SPATA17: variants seen among roughly 807,000 people sequenced by gnomAD.
SPATA17 encodes the protein spermatogenesis associated 17.
SPATA17 carries 53 observed loss-of-function variants against 62.2 expected under a neutral mutation model. That is an observed-to-expected ratio of 0.85 (90% CI 0.68 to 1.07). SPATA17 has a LOEUF of 1.07. SPATA17 is among the 50% of genes least tolerant of loss of function. The pLI, the probability that SPATA17 is intolerant of heterozygous loss-of-function variation, is 0.00. For missense variants in SPATA17, 466 were observed against 425.5 expected (o/e 1.10, Z -0.84); for synonymous variants, 146 against 146.8 (o/e 0.99, Z 0.04).
intron 6 of SPATA17, among the ~76,000 whole-genome samples, chr1:217,755,626 A>G (rs1673024133): frequency 6.6e-6 from 1 of 152,012 alleles, no homozygotes; most frequent in South Asian, 2.1e-4. Context: ...AATATTTTCC[A>G]TTAACTTTTA....
chr1:217,793,215 GTTTTTGTTTT>G (rs1356292820), intron 8 of SPATA17, among the ~76,000 whole-genome samples: 4 of 114,596 alleles, frequency 3.5e-5, no homozygotes, highest in African/African-American at 9.7e-5. Context: ...TAGGGCAGTG[GTTTTTGTTTT>G]TTTTTTTTTT....
intron 7 of SPATA17, among the ~76,000 whole-genome samples, chr1:217,778,502 G>A (rs1351653574): frequency 1.3e-5 from 2 of 152,044 alleles, no homozygotes; most frequent in African/African-American, 4.8e-5. Flanking sequence ...GCCTGGGTGA[G>A]AGAGCAAGAC....
intron 1 of SPATA17, among the ~76,000 whole-genome samples, chr1:217,646,278 A>G (rs1670180142): frequency 6.6e-6 from 1 of 152,170 alleles, no homozygotes; most frequent in Admixed American, 6.5e-5. Context: ...TTACTTATGT[A>G]AATAAAATTA....
chr1:217,745,919 A>G (rs12129402), intron 6 of SPATA17, among the ~76,000 whole-genome samples: 69,329 of 151,500 alleles, frequency 0.46, 17,324 homozygotes, highest in Non-Finnish European at 0.58. Flanking sequence ...TCCTTCCTGA[A>G]CCTAAGGAAG....
intron 6 of SPATA17, among the ~76,000 whole-genome samples, chr1:217,757,808 G>A (rs1404158287): frequency 1.3e-5 from 2 of 152,172 alleles, no homozygotes; most frequent in East Asian, 1.9e-4. Flanking sequence ...TACGTTGTAG[G>A]CTTAAACAAG....
chr1:217,646,275 T>C (rs930324409), intron 1 of SPATA17, among the ~76,000 whole-genome samples: 2 of 152,202 alleles, frequency 1.3e-5, no homozygotes, highest in Non-Finnish European at 2.9e-5. Context: ...TTTTTACTTA[T>C]GTAAATAAAA....
chr1:217,664,648 T>C (rs1670652970), intron 3 of SPATA17, among the ~76,000 whole-genome samples: 1 of 151,902 alleles, frequency 6.6e-6, no homozygotes, highest in African/African-American at 2.4e-5. Flanking sequence ...CAAGGAGAGA[T>C]AGAGGATAGT....
At chr1:217,660,055 C>G (rs1291581209) in intron 3 of SPATA17, among the ~76,000 whole-genome samples, 2 of 152,146 alleles carry the variant, frequency 1.3e-5, no homozygotes, top group African/African-American at 4.8e-5. Flanking sequence ...CTTGCCATTG[C>G]CCAAATATGC....
chr1:217,640,004 A>G (rs1385612002), intron 1 of SPATA17, among the ~76,000 whole-genome samples: 1 of 151,668 alleles, frequency 6.6e-6, no homozygotes, highest in Non-Finnish European at 1.5e-5. Context: ...GACTTTAGCA[A>G]TCTGAGTTGT....
intron 9 of SPATA17, among the ~76,000 whole-genome samples, chr1:217,853,323 C>G (rs1223568610): frequency 1.3e-5 from 2 of 152,046 alleles, no homozygotes; most frequent in East Asian, 3.9e-4. Context: ...TTAAACTAAA[C>G]ATCAGGTTAT....
rs61825855 is a variant in SPATA17 at position 217,818,588 on chromosome 1, A to G, written c.1005+16738A>G. On this transcript the variant is annotated intron_variant, in intron 9 of 10. Transcript: ENST00000366933. The stretch of plus-strand genomic sequence containing the variant: ...TACAGTAAAAATACAGTTAAAAACC[A>G]TACTGTAAAGTATAATCTTATGGGA... 4.9e-3 allele frequency among the ~76,000 whole-genome samples: 746 copies of G among 152,110 alleles called. 4 individuals are homozygous for G. The highest frequency in any genetic ancestry group is 0.013 in the South Asian group (64 of 4,826).
rs1284782401 is a variant in SPATA17 at position 217,867,549 on chromosome 1, G to A, written c.*530G>A. Reference sequence around the variant, plus strand: ...CAGACTAGTGGGTGTGGGAGCAGAAGCATAGGCACTCTCAAATAGAGAAGA... The same window carrying A: ...CAGACTAGTGGGTGTGGGAGCAGAAACATAGGCACTCTCAAATAGAGAAGA... On this transcript the variant is annotated 3_prime_UTR_variant, in exon 11 of 11. Transcript: ENST00000366933. 1 of 152,184 alleles carries A rather than the reference G, an allele frequency of 6.6e-6. No individual in the cohort carries two copies. Among genetic ancestry groups the A allele is most frequent in the Non-Finnish European group, 1.5e-5 (1 of 68,036 alleles). 9.4% of individuals were successfully genotyped at this position (152,184 alleles called of 1,614,324 possible).
intron 5 of SPATA17, among the ~76,000 whole-genome samples, chr1:217,731,530 T>C (rs1445210201): frequency 5.3e-5 from 8 of 152,202 alleles, no homozygotes; most frequent in Admixed American, 1.3e-4. Context: ...TCAATTCTTT[T>C]CCTAGCTCTC....
intron 7 of SPATA17, among the ~76,000 whole-genome samples, chr1:217,778,781 T>G (rs1198689701): frequency 1.3e-5 from 2 of 152,330 alleles, no homozygotes; most frequent in Non-Finnish European, 2.9e-5. Flanking sequence ...TGTTTTATAA[T>G]GTTATTACAT....
intron 5 of SPATA17, among the ~76,000 whole-genome samples, chr1:217,696,352 C>T (rs957350307): frequency 1.3e-5 from 2 of 152,168 alleles, no homozygotes; most frequent in Admixed American, 6.5e-5. Context: ...TGCTTCGGCT[C>T]GCGCACAGTG....
intron 8 of SPATA17, among the ~76,000 whole-genome samples, chr1:217,783,933 GTCTT>G (rs1044671529): frequency 9.9e-5 from 15 of 151,888 alleles, no homozygotes; most frequent in African/African-American, 3.4e-4. Flanking sequence ...AGATTGCAAA[GTCTT>G]TCTAAGATTT....
At chr1:217,786,750 T>C (rs190355035) in intron 8 of SPATA17, among the ~76,000 whole-genome samples, 33 of 107,434 alleles carry the variant, frequency 3.1e-4, no homozygotes, top group South Asian at 3.7e-4. Flanking sequence ...TGATATTCTC[T>C]TTCTTCTTCT....
At chr1:217,701,664 G>A (rs1197409576) in intron 5 of SPATA17, among the ~76,000 whole-genome samples, 5 of 152,080 alleles carry the variant, frequency 3.3e-5, no homozygotes, top group Non-Finnish European at 7.3e-5. Flanking sequence ...TGTGACTAGA[G>A]GTGTGAGCCA....
intron 8 of SPATA17, among the ~76,000 whole-genome samples, chr1:217,786,414 A>C (rs1268960351): frequency 6.6e-6 from 1 of 152,172 alleles, no homozygotes; most frequent in African/African-American, 2.4e-5. Flanking sequence ...AGATAAAAGT[A>C]GGCTGATGAT....
Sources: gnomAD v4.1 joint callset for allele counts (sites outside exome capture counted in the v4.1 genomes callset) on GRCh38, gnomAD v4.1.1 for gene constraint, MANE v1.5 for transcripts, NCBI Gene and HGNC (gene_info 2026-07-23, HGNC 2026-07-21) for gene names.